GMEB2: variants seen among roughly 807,000 people sequenced by gnomAD.
GMEB2 encodes glucocorticoid modulatory element binding protein 2.
GMEB2 carries 7 observed loss-of-function variants against 45.7 expected under a neutral mutation model. That is an observed-to-expected ratio of 0.15 (90% CI 0.09 to 0.29). The LOEUF (loss-of-function observed/expected upper bound fraction) is 0.29, where lower values mean the gene tolerates loss of function less well. GMEB2 is among the 10% of genes least tolerant of loss of function. The probability of loss-of-function intolerance (pLI) is 1.00; values close to 1 mark genes in which losing one functional copy is unlikely to be tolerated. For missense variants in GMEB2, 582 were observed against 739.2 expected, an observed-to-expected ratio of 0.79 and a Z score of 2.47; for synonymous variants, 322 against 323.6, an observed-to-expected ratio of 1.00 and a Z score of 0.05.
At chr20:63,611,993 C>G (rs1242187753) in intron 2 of GMEB2, among the ~76,000 whole-genome samples, 1 of 152,092 alleles carries the variant, frequency 6.6e-6, no homozygotes, top group African/African-American at 2.4e-5. Flanking sequence ...GAGGTCACGG[C>G]TGCCATGAGC....
In GMEB2 at chr20:63,623,029, A is replaced by C. The variant is rs143846682; in HGVS notation, c.-57-3575T>G. On this transcript the variant is annotated intron_variant, in intron 1 of 9. Transcript: ENST00000370077. ...GAACACCAGTGAGGGCTCCACAGGA[A>C]CACTACTCAAAGTATTCACGGAACA... Among the ~76,000 whole-genome samples, 120 of 152,316 alleles carry C rather than the reference A, an allele frequency of 7.9e-4. 2 individuals are homozygous for C. In the East Asian group the frequency reaches 0.014, roughly 18 times the overall value.
rs2083160456 is a variant in GMEB2, at chr20:63,592,813, C to T, written c.692-143G>A. The stretch of plus-strand genomic sequence containing the variant: ...TGGCACTGTGCTGGGCTTGCACTGC[C>T]CAGACACATCCACAGTGCCAAAATC... On this transcript the variant is annotated intron_variant, in intron 7 of 9. Transcript: ENST00000370077. This position sits in a 1 kb window ranked among gnomAD's most constrained non-coding sequence, Gnocchi z 8.2. 1.3e-6 allele frequency: 1 copy of T among 798,470 alleles called. No homozygotes were observed. Among genetic ancestry groups the T allele is most frequent in the Non-Finnish European group, 2.1e-6 (1 of 465,902 alleles). The allele number at this position is 798,470 out of a possible 1,614,324, so 49.5% of individuals were successfully genotyped here. A position where few individuals can be genotyped will look rare whatever the true frequency, so the allele number is the denominator to read the frequency against.
In GMEB2 at chr20:63,592,696, G is replaced by A. The variant is rs745521476; in HGVS notation, c.692-26C>T. On this transcript the variant is annotated intron_variant, in intron 7 of 9. Coordinates refer to ENST00000370077, the MANE Select transcript of GMEB2 (RefSeq NM_012384.5). This position sits in a 1 kb window ranked among gnomAD's most constrained non-coding sequence, Gnocchi z 8.2. ...CTGTGAGGGAAGGAGTGGGTTCAGT[G>A]GGCAGGGAAAGTGCTGCTACACGGG... 3 of 1,606,880 alleles carry A rather than the reference G, an allele frequency of 1.9e-6. No homozygotes were observed. The highest frequency in any genetic ancestry group is 1.3e-5 in the African/African-American group (1 of 74,766).
intron 1 of GMEB2, among the ~76,000 whole-genome samples, chr20:63,621,545 T>C (rs1341383869): frequency 6.6e-6 from 1 of 151,080 alleles, no homozygotes; most frequent in Non-Finnish European, 1.5e-5. Flanking sequence ...CAGGCACCTG[T>C]AGTCCCAGCT....
Position 63,588,048 on chromosome 20 carries a change from C to T in GMEB2, c.*2041G>A, listed in dbSNP as rs1202794840. 1 of 152,394 alleles carries T rather than the reference C, an allele frequency of 6.6e-6. No individual in the cohort carries two copies. Among genetic ancestry groups the T allele is most frequent in the African/African-American group, 2.4e-5 (1 of 41,460 alleles). 9.4% of individuals were successfully genotyped at this position (152,394 alleles called of 1,614,324 possible). A position where few individuals can be genotyped will look rare whatever the true frequency, so the allele number is the denominator to read the frequency against. On this transcript the variant is annotated 3_prime_UTR_variant, in exon 10 of 10. Coordinates refer to ENST00000370077, the MANE Select transcript of GMEB2 (RefSeq NM_012384.5). ...CAGCTGGGTTGGCGGTAGATGTCCCCGAGGGCCTTGGGAAGCACTGGGAAT... is the reference window on the plus strand; with the variant it reads ...CAGCTGGGTTGGCGGTAGATGTCCCTGAGGGCCTTGGGAAGCACTGGGAAT...
At chr20:63,623,319 C>T (rs1168693822) in intron 1 of GMEB2, among the ~76,000 whole-genome samples, 1 of 152,108 alleles carries the variant, frequency 6.6e-6, no homozygotes, top group Non-Finnish European at 1.5e-5. Context: ...GGGCAATTTC[C>T]CATTAGGGCA....
At chr20:63,591,696 C>G (rs989798087) in intron 9 of GMEB2, among the ~76,000 whole-genome samples, 11 of 152,188 alleles carry the variant, frequency 7.2e-5, no homozygotes, top group Non-Finnish European at 4.4e-5. Flanking sequence ...AACTCCTAGC[C>G]TGAAGTGATC....
intron 1 of GMEB2, among the ~76,000 whole-genome samples, chr20:63,626,280 G>A: frequency 1.3e-5 from 2 of 151,700 alleles, no homozygotes; most frequent in Non-Finnish European, 3.0e-5. Context: ...GGTGGCCCCT[G>A]CGGGTCGGGT....
In GMEB2 at chr20:63,595,644, G is replaced by C. The variant is rs747161032; in HGVS notation, c.585C>G (p.Ala195=). The C allele has an allele frequency of 6.2e-7, 1 of 1,613,162 alleles. No homozygotes were observed. Among genetic ancestry groups the C allele is most frequent in the South Asian group, 1.1e-5 (1 of 91,040 alleles). ...ARVSLSSPTS[A]EYIPLTPAAA... is the part of the protein sequence containing the mutation. ...CGGCGGGCGTGAGGGGAATGTACTC[G>C]GCCGACGTGGGGCTGCTCAGGGACA... Residue 195 remains alanine (A), a synonymous_variant, in exon 6 of 10, where the codon GCC becomes GCG. Transcript: ENST00000370077.
chr20:63,610,233 G>A (rs1476762482), intron 2 of GMEB2, among the ~76,000 whole-genome samples: 1 of 152,162 alleles, frequency 6.6e-6, no homozygotes, highest in Non-Finnish European at 1.5e-5. Flanking sequence ...AAAAACACAC[G>A]CACACCAGCC....
chr20:63,597,591 G>C (rs1021411924), intron 5 of GMEB2, among the ~76,000 whole-genome samples, 166 bp downstream of exon 5: 1 of 152,188 alleles, frequency 6.6e-6, no homozygotes. Context: ...TGTGGGAGAC[G>C]GGTTTACAGT....
intron 3 of GMEB2, among the ~76,000 whole-genome samples, chr20:63,603,610 TC>T (rs1323988286): frequency 6.6e-6 from 1 of 151,862 alleles, no homozygotes; most frequent in Non-Finnish European, 1.5e-5. Context: ...GCACCTGTAG[TC>T]CCAGCTACTG....
intron 1 of GMEB2, among the ~76,000 whole-genome samples, chr20:63,623,523 G>A (rs1248495257): frequency 6.6e-6 from 1 of 152,184 alleles, no homozygotes; most frequent in African/African-American, 2.4e-5. Context: ...TTTAGGCCGG[G>A]CGCGGTGGCT....
In GMEB2 at chr20:63,619,306, A is replaced by G. The variant is rs1601034126; in HGVS notation, c.92T>C (p.Val31Ala). 1 of 1,612,464 alleles carries G rather than the reference A, an allele frequency of 6.2e-7. No homozygotes were observed. The highest frequency in any genetic ancestry group is 1.1e-5 in the South Asian group (1 of 91,024). The change falls in exon 2 of 10, where the codon GTG (valine) becomes GCG (alanine). Residue 31 changes from valine (V) to alanine (A), a missense_variant. By Grantham distance (64) the Val-to-Ala change is moderately conservative (BLOSUM62 0). Transcript: ENST00000370077. This position sits in a 1 kb window ranked among gnomAD's most constrained non-coding sequence, Gnocchi z 4.6. Reference sequence around the variant, plus strand: ...GTTGGTCGTCACCAACACGGTCTTCACCCCCTCCACACCACTGCCGTCCAC... The same window carrying G: ...GTTGGTCGTCACCAACACGGTCTTCGCCCCCTCCACACCACTGCCGTCCAC... ...TAVDGSGVEG[V>A]KTVLVTTNLA... is the part of the protein sequence containing the mutation.
At chr20:63,611,860 G>A in intron 2 of GMEB2, among the ~76,000 whole-genome samples, 1 of 152,120 alleles carries the variant, frequency 6.6e-6, no homozygotes. Flanking sequence ...AGCCAGGCGT[G>A]GTGGCACATG....
At position 63,618,495 on chromosome 20, in the gene GMEB2, G is replaced by A. The variant is rs546607927; in HGVS notation, c.131+772C>T. On this transcript the variant is annotated intron_variant, in intron 2 of 9. Coordinates refer to ENST00000370077, the MANE Select transcript of GMEB2 (RefSeq NM_012384.5). Reference sequence around the variant, plus strand: ...GCTGCCTGCACGCTGTCCACCAAGGGAGGTCTGACCTACACCGCACAGGGG... The same window carrying A: ...GCTGCCTGCACGCTGTCCACCAAGGAAGGTCTGACCTACACCGCACAGGGG... 1.0e-3 allele frequency among the ~76,000 whole-genome samples: 154 copies of A among 152,246 alleles called. 2 individuals are homozygous for A. The South Asian group carries it at 0.027, about 26-fold the overall frequency.
intron 2 of GMEB2, 99 bp from the exon 3 acceptor site, chr20:63,604,939 T>C (rs2089507209): frequency 1.3e-6 from 1 of 758,778 alleles, no homozygotes; most frequent in African/African-American, 1.7e-5. Flanking sequence ...CCTGTTACAC[T>C]CTTCTAACTG....
At chr20:63,599,919 C>G (rs960383826) in intron 4 of GMEB2, among the ~76,000 whole-genome samples, 1 of 152,160 alleles carries the variant, frequency 6.6e-6, no homozygotes, top group Non-Finnish European at 1.5e-5. Context: ...TTCCTAAGAA[C>G]AAGCTTCTCT....
At chr20:63,624,752 G>A (rs1027280289) in intron 1 of GMEB2, among the ~76,000 whole-genome samples, 1 of 152,238 alleles carries the variant, frequency 6.6e-6, no homozygotes, top group African/African-American at 2.4e-5. Context: ...CTGTAGCCCA[G>A]GTTGGACTGC....
Sources: gnomAD v4.1 joint callset for allele counts (sites outside exome capture counted in the v4.1 genomes callset) on GRCh38, gnomAD v4.1.1 for gene constraint, Gnocchi (gnomAD v3.1) non-coding constraint, MANE v1.5 for transcripts, NCBI Gene and HGNC (gene_info 2026-07-23, HGNC 2026-07-21) for gene names.